The following CHODL variants were observed in gnomAD, a reference collection of about 807,000 sequenced individuals.
CHODL encodes transmembrane protein MT75.
A neutral mutation model predicts 34.5 loss-of-function variants in CHODL; 29 were observed. That is an observed-to-expected ratio of 0.84 (90% CI 0.63 to 1.15). CHODL has a LOEUF of 1.15. Among genes scored for constraint, CHODL ranks in the 50% most tolerant of loss-of-function variants. The pLI is 0.00. For synonymous variants in CHODL, 125 were observed against 116.1 expected, an observed-to-expected ratio of 1.08 and a Z score of -0.49; for missense variants, 332 against 332.5, an observed-to-expected ratio of 1.00 and a Z score of 0.01.
chr21:18,201,906 G>A (rs1487382577), intron 2 of CHODL, among the ~76,000 whole-genome samples: 2 of 144,088 alleles, frequency 1.4e-5, no homozygotes, highest in Non-Finnish European at 3.0e-5. Context: ...CCGGGTTCCC[G>A]CCATTCTCCT....
intron 1 of CHODL, among the ~76,000 whole-genome samples, chr21:17,977,997 G>C (rs2063680262): frequency 1.3e-5 from 2 of 150,292 alleles, no homozygotes; most frequent in South Asian, 4.2e-4. Context: ...GAATATATTT[G>C]TTTTCTATTG....
intron 2 of CHODL, among the ~76,000 whole-genome samples, chr21:18,044,485 C>T (rs2064416761): frequency 6.6e-6 from 1 of 151,768 alleles, no homozygotes; most frequent in East Asian, 1.9e-4. Context: ...TTTTAACTAA[C>T]AACATTGAAT....
intron 2 of CHODL, among the ~76,000 whole-genome samples, chr21:18,154,452 C>T (rs573764914): frequency 5.9e-5 from 9 of 152,152 alleles, no homozygotes; most frequent in African/African-American, 1.7e-4. Flanking sequence ...GTTGCTTCTC[C>T]GCAATTTATC....
Position 18,205,799 on chromosome 21 carries a change from C to T in CHODL, c.-44-50710C>T, listed in dbSNP as rs988614154. On this transcript the variant is annotated intron_variant, in intron 2 of 6. Coordinates refer to the CHODL transcript ENST00000400127. ...TTGCCCAGGCTGGAGTGCAGTGGTGCGATCTCAGCTCACTGCAACCTCAGC... is the reference window on the plus strand; with the variant it reads ...TTGCCCAGGCTGGAGTGCAGTGGTGTGATCTCAGCTCACTGCAACCTCAGC... Among the ~76,000 whole-genome samples the T allele has an allele frequency of 2.9e-4, 43 of 146,652 alleles. No homozygotes were observed. In the East Asian group the frequency reaches 7.5e-3, roughly 26 times the overall value.
At chr21:18,145,968 G>T (rs549582149) in intron 2 of CHODL, among the ~76,000 whole-genome samples, 7,089 of 151,388 alleles carry the variant, frequency 0.047, 509 homozygotes, top group African/African-American at 0.16. Context: ...GTTTTTTGTT[G>T]TTGTTGTTGT....
chr21:18,237,776 CCTACTGTTTATTTATTGAATAAACATAA>C (rs1458681985), intron 2 of CHODL, among the ~76,000 whole-genome samples: 1 of 152,236 alleles, frequency 6.6e-6, no homozygotes, highest in East Asian at 1.9e-4. Flanking sequence ...AAATTTCCCA[CCTACTGTTTATTTATTGAATAAACATAA>C]AAATTTCCCA....
chr21:17,919,243 G>A (rs2146307535), intron 1 of CHODL, among the ~76,000 whole-genome samples: 1 of 152,318 alleles, frequency 6.6e-6, no homozygotes, highest in African/African-American at 2.4e-5. Flanking sequence ...TTGGAGCTCT[G>A]ACCCCACATT....
At chr21:18,203,068 G>A (rs1336268459) in intron 2 of CHODL, among the ~76,000 whole-genome samples, 1 of 152,082 alleles carries the variant, frequency 6.6e-6, no homozygotes, top group Non-Finnish European at 1.5e-5. Flanking sequence ...TTAAAATTCA[G>A]TGTTTTTTTG....
intron 1 of CHODL, among the ~76,000 whole-genome samples, chr21:17,933,600 T>G (rs918045833): frequency 2.0e-5 from 3 of 152,340 alleles, no homozygotes; most frequent in South Asian, 2.1e-4. Flanking sequence ...AGAATTTTTC[T>G]TAGTACAGAA....
chr21:17,931,332 C>G (rs887909513), intron 1 of CHODL, among the ~76,000 whole-genome samples: 2 of 152,146 alleles, frequency 1.3e-5, no homozygotes, highest in African/African-American at 4.8e-5. Context: ...AAGAAGTACA[C>G]AAGGCTAAAG....
At chr21:18,164,531 T>C (rs1268437760) in intron 2 of CHODL, among the ~76,000 whole-genome samples, 1 of 152,228 alleles carries the variant, frequency 6.6e-6, no homozygotes, top group Non-Finnish European at 1.5e-5. Flanking sequence ...AGGTTAGCCT[T>C]GGCAATCACT....
chr21:18,170,073 A>G (rs1487307402), intron 2 of CHODL, among the ~76,000 whole-genome samples: 2 of 151,936 alleles, frequency 1.3e-5, no homozygotes, highest in African/African-American at 4.8e-5. Flanking sequence ...TCTCTCTTCA[A>G]TCCTATCAGT....
intron 1 of CHODL, among the ~76,000 whole-genome samples, chr21:17,933,688 A>G (rs1017002040): frequency 2.3e-4 from 35 of 152,074 alleles, no homozygotes; most frequent in Non-Finnish European, 7.4e-5. Context: ...TTCCCCACAA[A>G]TACTACATGT....
chr21:18,216,111 T>G (rs2073825418), intron 2 of CHODL, among the ~76,000 whole-genome samples: 2 of 152,286 alleles, frequency 1.3e-5, no homozygotes, highest in South Asian at 4.1e-4. Context: ...TCTTATTTCC[T>G]TCCTTTCTTT....
At chr21:18,112,404 G>GA (rs896100765) in intron 2 of CHODL, among the ~76,000 whole-genome samples, 61 of 149,778 alleles carry the variant, frequency 4.1e-4, no homozygotes, top group East Asian at 1.2e-3. Context: ...GACAAAAATT[G>GA]AAAAAAAAAT....
At chr21:18,010,297 CAAA>C (rs71189576) in intron 1 of CHODL, among the ~76,000 whole-genome samples, 5 of 38,788 alleles carry the variant, frequency 1.3e-4, no homozygotes, top group African/African-American at 4.0e-4. Flanking sequence ...ACTCCCGTCT[CAAA>C]AAAAAAAAAA....
At chr21:18,256,101 A>G (rs916383386) in intron 1 of CHODL, among the ~76,000 whole-genome samples, 2 of 152,120 alleles carry the variant, frequency 1.3e-5, no homozygotes, top group Non-Finnish European at 2.9e-5. Flanking sequence ...AAATTGTTTC[A>G]TTATATATTA....
In CHODL at chr21:17,921,477, C is replaced by T. The variant is rs116590175; in HGVS notation, c.-145+4077C>T. Among the ~76,000 whole-genome samples, 1,215 of 152,290 alleles carry T rather than the reference C, an allele frequency of 8.0e-3. 18 individuals are homozygous for T. Among genetic ancestry groups the T allele is most frequent in the African/African-American group, 0.027 (1,119 of 41,554 alleles). On this transcript the variant is annotated intron_variant, in intron 1 of 6. Coordinates refer to the CHODL transcript ENST00000400127. ...TCTTGTGTACAATCTTCCATGCTTT[C>T]TTCCTTTGCTACTTGGCAGGTGAGA...
chr21:18,154,960 G>A lies in CHODL; in HGVS notation c.-44-101549G>A, dbSNP rs75259377. 3.7e-4 allele frequency among the ~76,000 whole-genome samples: 57 copies of A among 152,242 alleles called. 1 individual carries two copies. In the East Asian group the frequency reaches 0.011, roughly 29 times the overall value. On this transcript the variant is annotated intron_variant, in intron 2 of 6. Coordinates refer to the CHODL transcript ENST00000400127. ...CAGATGGAATAATAATAGTGGACAG[G>A]CACAAGGTCATCACCATGTAGGGCA...
Sources: gnomAD v4.1 joint callset for allele counts (sites outside exome capture counted in the v4.1 genomes callset) on GRCh38, gnomAD v4.1.1 for gene constraint, MANE v1.5 for transcripts, NCBI Gene and HGNC (gene_info 2026-07-23, HGNC 2026-07-21) for gene names.